NPR2: variants seen among roughly 807,000 people sequenced by gnomAD.
NPR2 encodes atrial natriuretic peptide receptor 2.
Under a neutral mutation model 120.7 loss-of-function variants are expected in NPR2, and 49 were observed. The ratio of observed to expected loss-of-function variants is 0.41; its 90% CI spans 0.32 to 0.52. The LOEUF is 0.52. Among genes scored for constraint, NPR2 ranks in the 20% least tolerant of loss-of-function variants. The pLI, the probability that NPR2 is intolerant of heterozygous loss-of-function variation, is 0.36. For missense variants in NPR2, 931 were observed against 1,362.9 expected (o/e 0.68, Z 4.99); for synonymous variants, 484 against 519.8 (o/e 0.93, Z 0.94).
chr9:35,803,965 G>T (rs1828268703), intron 12 of NPR2, among the ~76,000 whole-genome samples: 1 of 152,174 alleles, frequency 6.6e-6, no homozygotes, highest in Non-Finnish European at 1.5e-5. Context: ...AAAGCCAGAA[G>T]CCTAATCCTG....
At position 35,809,102 on chromosome 9, in the gene NPR2, T is replaced by C; in HGVS notation, c.2987-54T>C. The C allele has an allele frequency of 6.7e-6, 10 of 1,492,640 alleles. 1 individual carries two copies. Among genetic ancestry groups the C allele is most frequent in the Non-Finnish European group, 8.4e-6 (9 of 1,070,358 alleles). 92.5% of individuals were successfully genotyped at this position (1,492,640 alleles called of 1,614,324 possible). On this transcript the variant is annotated intron_variant, in intron 20 of 21. Coordinates refer to ENST00000342694, the MANE Select transcript of NPR2 (RefSeq NM_003995.4). The surrounding 1 kb of genome is among the most constrained non-coding windows in gnomAD (Gnocchi z 4.1). ...CTATACAGTATCACCAATTATTTGA[T>C]TGCCTTTTCTTTGATTCCTCATTCC...
In NPR2 at chr9:35,791,933, C is replaced by A. The variant is rs1177866782; in HGVS notation, c.-476C>A. On this transcript the variant is annotated 5_prime_UTR_variant, in exon 1 of 22. Coordinates refer to ENST00000342694, the MANE Select transcript of NPR2 (RefSeq NM_003995.4). Reference sequence around the variant, plus strand: ...CCCAGTCCTTCCGCGGCGCGGGCACCCTCCCACCTTACCCCCTTGGTCCTA... The same window carrying A: ...CCCAGTCCTTCCGCGGCGCGGGCACACTCCCACCTTACCCCCTTGGTCCTA... 6.6e-6 allele frequency among the ~76,000 whole-genome samples: 1 copy of A among 151,988 alleles called. No individual in the cohort carries two copies. The highest frequency in any genetic ancestry group is 2.4e-5 in the African/African-American group (1 of 41,374).
rs542616645 is a variant in NPR2, at chr9:35,802,610, G to A, written c.1815+3G>A. 49 of 1,557,198 alleles carry A rather than the reference G, an allele frequency of 3.1e-5. 1 individual carries two copies. In the South Asian group the frequency reaches 5.0e-4, roughly 16 times the overall value. On this transcript the variant is annotated splice_donor_region_variant and intron_variant, in intron 11 of 21. Transcript: ENST00000342694. The surrounding 1 kb of genome is among the most constrained non-coding windows in gnomAD (Gnocchi z 4.2). The stretch of plus-strand genomic sequence containing the variant: ...ACTGTCCTCGTGGGAGTTTACAGGT[G>A]AGGGATAGGTGTAGGAGATTATGGC...
rs28764008 is a variant in NPR2 at position 35,794,150 on chromosome 9, G to A, written c.873+47G>A. ...AAGGAGGAGGGGGAAGAGGTGCTTCGCTGGAAATTCTCTCTCACAAGACCC... is the reference window on the plus strand; with the variant it reads ...AAGGAGGAGGGGGAAGAGGTGCTTCACTGGAAATTCTCTCTCACAAGACCC... On this transcript the variant is annotated intron_variant, in intron 2 of 21. Coordinates refer to ENST00000342694, the MANE Select transcript of NPR2 (RefSeq NM_003995.4). 3.5e-3 allele frequency: 5,506 copies of A among 1,558,700 alleles called. 124 individuals carry two copies. The African/African-American group carries it at 0.064, about 18-fold the overall frequency.
In NPR2 at chr9:35,801,073, C is replaced by T. The variant is rs370990768; in HGVS notation, c.1355C>T (p.Pro452Leu). ...AGGGTCTCTATTTCCCCTTCAGCTC[C>T]ACTTTCAACCCTGGCAATTGTGGCT... ...DLDDPSCDKT[P>L]LSTLAIVALG... Residue 452 changes from proline (P) to leucine (L), a missense_variant, in exon 7 of 22, where the codon CCA becomes CTA. Physicochemically the swap from Pro to Leu is moderately conservative, Grantham distance 98. This residue lies in a region of NPR2 where 681 missense variants were observed against 974.3 expected (regional missense o/e 0.70). Coordinates refer to ENST00000342694, the MANE Select transcript of NPR2 (RefSeq NM_003995.4). 7 of 1,613,354 alleles carry T rather than the reference C, an allele frequency of 4.3e-6. No homozygotes were observed. The highest frequency in any genetic ancestry group is 1.3e-5 in the African/African-American group (1 of 74,918).
At chr9:35,801,573 C>A in intron 7 of NPR2, 70 bp from the exon 8 acceptor site, 1 of 1,588,648 alleles carries the variant, frequency 6.3e-7, no homozygotes, top group Non-Finnish European at 8.6e-7. Flanking sequence ...GAAGCCCCTG[C>A]AACCCTGCTG....
rs934660300 is a variant in NPR2 at position 35,809,184 on chromosome 9, C to T, written c.3015C>T (p.Thr1005=). ...QALKIHVSST[T]KDALDELGCF... is the part of the protein sequence containing the mutation. ...TGAAGATCCATGTCTCCTCTACCACCAAGGATGCCCTAGATGAGCTAGGAT... is the reference window on the plus strand; with the variant it reads ...TGAAGATCCATGTCTCCTCTACCACTAAGGATGCCCTAGATGAGCTAGGAT... Residue 1005 remains threonine, a synonymous_variant, in exon 21 of 22, where the codon ACC becomes ACT. Coordinates refer to ENST00000342694, the MANE Select transcript of NPR2 (RefSeq NM_003995.4). The surrounding 1 kb of genome is among the most constrained non-coding windows in gnomAD (Gnocchi z 4.1). 6.8e-6 allele frequency: 11 copies of T among 1,613,880 alleles called. No homozygotes were observed. In the South Asian group the frequency reaches 8.8e-5, roughly 13 times the overall value.
At chr9:35,804,260 G>A (rs948419914) in intron 12 of NPR2, among the ~76,000 whole-genome samples, 11 of 148,334 alleles carry the variant, frequency 7.4e-5, no homozygotes, top group Non-Finnish European at 1.3e-4. Flanking sequence ...CTGAGACAGG[G>A]TCTTATTCTG....
rs1312515498 is a variant in NPR2 at position 35,791,591 on chromosome 9, G to A, written c.-818G>A. ...GGGCGGGGGCGGGCGGCCTGCCCGG[G>A]GGAGTCGCACTCGGCCGCCGGCGCA... On this transcript the variant is annotated 5_prime_UTR_variant, in exon 1 of 22. Transcript: ENST00000342694. Among the ~76,000 whole-genome samples, 4 of 145,068 alleles carry A rather than the reference G, an allele frequency of 2.8e-5. No individual in the cohort carries two copies. Among genetic ancestry groups the A allele is most frequent in the Non-Finnish European group, 6.1e-5 (4 of 65,292 alleles).
chr9:35,792,144 G>C lies in NPR2; in HGVS notation c.-265G>C, dbSNP rs1827800733. 2.2e-6 allele frequency: 1 copy of C among 462,416 alleles called. No homozygotes were observed. 28.6% of individuals were successfully genotyped at this position (462,416 alleles called of 1,614,324 possible). A position where few individuals can be genotyped will look rare whatever the true frequency, so the allele number is the denominator to read the frequency against. On this transcript the variant is annotated 5_prime_UTR_variant, in exon 1 of 22. Transcript: ENST00000342694. ...CCCCATCCTGGCCGCAGGCCCCCTCGGTCCCTCCCTCCCCCTGCCACCCCG... is the reference window on the plus strand; with the variant it reads ...CCCCATCCTGGCCGCAGGCCCCCTCCGTCCCTCCCTCCCCCTGCCACCCCG...
chr9:35,807,185 T>TGGGG, intron 17 of NPR2, 39 bp downstream of exon 17: 1 of 269,696 alleles, frequency 3.7e-6, no homozygotes, highest in East Asian at 1.0e-4. Flanking sequence ...TGGGGTTGGG[T>TGGGG]GGGTAGGGAC....
chr9:35,801,875 T>C (rs762106238), intron 8 of NPR2, 51 bp from the exon 9 acceptor site: 9 of 1,606,200 alleles, frequency 5.6e-6, no homozygotes, highest in Non-Finnish European at 7.7e-6. Context: ...ACTACCACCA[T>C]CATCTAATGT....
rs1477979334 is a variant in NPR2, at chr9:35,807,075, G to A, written c.2572G>A (p.Asp858Asn). ...AGAGACTGTACAGGCTGAGGCCTTT[G>A]ACAGTGTTACCATCTACTTCAGTGA... Reference protein sequence around the residue: ...RGETVQAEAFDSVTIYFSDIV... With the variant: ...RGETVQAEAFNSVTIYFSDIV... Residue 858 changes from aspartate to asparagine, a missense_variant, in exon 17 of 22, where the codon GAC becomes AAC. This residue lies in a region of NPR2 where 184 missense variants were observed against 328.3 expected (regional missense o/e 0.56). Coordinates refer to ENST00000342694, the MANE Select transcript of NPR2 (RefSeq NM_003995.4). 1.2e-6 allele frequency: 2 copies of A among 1,610,706 alleles called. No individual in the cohort carries two copies. The highest frequency in any genetic ancestry group is 1.7e-6 in the Non-Finnish European group (2 of 1,178,532).
chr9:35,807,421 A>C, intron 18 of NPR2, 23 bp downstream of exon 18: 1 of 1,548,548 alleles, frequency 6.5e-7, no homozygotes, highest in African/African-American at 1.4e-5. Flanking sequence ...GCCGCTGTTC[A>C]ATAGAAGACC....
rs1828325364 is a variant in NPR2 at position 35,805,285 on chromosome 9, T to C, written c.1888-226T>C. ...TCCCTCTTTTTAAGCATTTTCCCTG[T>C]CCCTGGTGGCTGGGTGCCTGTGTCC... On this transcript the variant is annotated intron_variant, in intron 12 of 21. Transcript: ENST00000342694. The surrounding 1 kb of genome is among the most constrained non-coding windows in gnomAD (Gnocchi z 4.9). Among the ~76,000 whole-genome samples the C allele has an allele frequency of 6.6e-6, 1 of 152,206 alleles. No individual in the cohort carries two copies. Among genetic ancestry groups the C allele is most frequent in the Non-Finnish European group, 1.5e-5 (1 of 68,022 alleles).
chr9:35,799,603 A>T lies in NPR2; in HGVS notation c.874-15A>T. The T allele has an allele frequency of 6.4e-7, 1 of 1,569,984 alleles. No individual in the cohort carries two copies. The highest frequency in any genetic ancestry group is 1.1e-5 in the South Asian group (1 of 90,214). On this transcript the variant is annotated splice_polypyrimidine_tract_variant and intron_variant, in intron 2 of 21. Coordinates refer to ENST00000342694, the MANE Select transcript of NPR2 (RefSeq NM_003995.4). ...TTGAATCCTGTTCACTCTTCCCCAT[A>T]TGCTGCTGGTACAGACTGTATTGGT...
At position 35,806,282 on chromosome 9, in the gene NPR2, T is replaced by G; in HGVS notation, c.2372+49T>G. ...GGCTTCCCAGGGATAGAAGACTCATTAGTCCTAGTGCATGAAGTGGGGCAG... is the reference window on the plus strand; with the variant it reads ...GGCTTCCCAGGGATAGAAGACTCATGAGTCCTAGTGCATGAAGTGGGGCAG... On this transcript the variant is annotated intron_variant, in intron 15 of 21. Transcript: ENST00000342694. This position sits in a 1 kb window ranked among gnomAD's most constrained non-coding sequence, Gnocchi z 4.6. The G allele has an allele frequency of 6.2e-7, 1 of 1,612,178 alleles. No homozygotes were observed. Among genetic ancestry groups the G allele is most frequent in the South Asian group, 1.1e-5 (1 of 91,034 alleles).
Position 35,808,983 on chromosome 9 carries a change from G to C in NPR2, c.2986+130G>C, listed in dbSNP as rs1015885632. ...AGTGTCGCATCCTCGGGCATATTTT[G>C]GTTCTAATAGATATGCATTGGGAGG... On this transcript the variant is annotated intron_variant, in intron 20 of 21. Coordinates refer to ENST00000342694, the MANE Select transcript of NPR2 (RefSeq NM_003995.4). This position sits in a 1 kb window ranked among gnomAD's most constrained non-coding sequence, Gnocchi z 4.0. The C allele has an allele frequency of 1.1e-6, 1 of 922,676 alleles. No individual in the cohort carries two copies. The highest frequency in any genetic ancestry group is 2.4e-5 in the East Asian group (1 of 41,544). 57.2% of individuals were successfully genotyped at this position (922,676 alleles called of 1,614,324 possible).
rs1015885632 is a variant in NPR2, at chr9:35,808,983, G to A, written c.2986+130G>A. ...AGTGTCGCATCCTCGGGCATATTTTGGTTCTAATAGATATGCATTGGGAGG... is the reference window on the plus strand; with the variant it reads ...AGTGTCGCATCCTCGGGCATATTTTAGTTCTAATAGATATGCATTGGGAGG... On this transcript the variant is annotated intron_variant, in intron 20 of 21. Transcript: ENST00000342694. This position sits in a 1 kb window ranked among gnomAD's most constrained non-coding sequence, Gnocchi z 4.0. The A allele has an allele frequency of 7.6e-6, 7 of 922,676 alleles. No individual in the cohort carries two copies. The African/African-American group carries it at 9.7e-5, about 13-fold the overall frequency. The allele number at this position is 922,676 out of a possible 1,614,324, so 57.2% of individuals were successfully genotyped here.
Sources: allele counts gnomAD v4.1 joint callset (sites outside exome capture counted in the v4.1 genomes callset), GRCh38; gene constraint gnomAD v4.1.1; regional missense constraint gnomAD v4.1.1; non-coding constraint Gnocchi (gnomAD v3.1); transcripts MANE v1.5; gene names NCBI Gene and HGNC (gene_info 2026-07-23, HGNC 2026-07-21).